The following DAB1 variants were observed in gnomAD, a reference collection of about 807,000 sequenced individuals.
DAB1 encodes the protein DAB adaptor protein 1, also known as disabled homolog 1.
A neutral mutation model predicts 64.6 loss-of-function variants in DAB1; 15 were observed. The observed-to-expected ratio is 0.23, with a 90% CI of 0.16 to 0.36. The LOEUF is 0.36. DAB1 is among the 10% of genes least tolerant of loss of function. The probability of loss-of-function intolerance (pLI) is 1.00; values close to 1 mark genes in which losing one functional copy is unlikely to be tolerated. For synonymous variants in DAB1, 235 were observed against 251.9 expected (o/e 0.93, Z 0.64); for missense variants, 596 against 706.7 (o/e 0.84, Z 1.78).
chr1:57,598,197 T>C (rs765467129), intron 7 of DAB1, among the ~76,000 whole-genome samples: 97 of 152,344 alleles, frequency 6.4e-4, no homozygotes, highest in Non-Finnish European at 1.1e-3. Context: ...TTAGCCAGGA[T>C]GGTCTCGATC....
chr1:58,505,500 C>T (rs1462155815), intron 3 of DAB1, among the ~76,000 whole-genome samples: 1 of 152,100 alleles, frequency 6.6e-6, no homozygotes, highest in Admixed American at 6.6e-5. Flanking sequence ...TGGCAGAAAG[C>T]CGCCTCAGCT....
intron 6 of DAB1, among the ~76,000 whole-genome samples, chr1:57,709,267 A>G (rs1213766822): frequency 6.6e-6 from 1 of 152,120 alleles, no homozygotes; most frequent in African/African-American, 2.4e-5. Flanking sequence ...CTGAATTACT[A>G]TTTAATCCAG....
intron 3 of DAB1, among the ~76,000 whole-genome samples, chr1:58,494,330 G>T (rs1645754415): frequency 6.6e-6 from 1 of 152,012 alleles, no homozygotes; most frequent in Non-Finnish European, 1.5e-5. Context: ...AGAAAACCTA[G>T]GCAATACCAT....
At chr1:57,051,085 A>G (rs1404197042) in intron 9 of DAB1, among the ~76,000 whole-genome samples, 1 of 152,226 alleles carries the variant, frequency 6.6e-6, no homozygotes, top group African/African-American at 2.4e-5. Flanking sequence ...TGTTGCTGTT[A>G]ACTCCAAGAC....
At chr1:57,960,759 T>C (rs1198940448) in intron 5 of DAB1, among the ~76,000 whole-genome samples, 1 of 152,240 alleles carries the variant, frequency 6.6e-6, no homozygotes, top group Admixed American at 6.5e-5. Flanking sequence ...TGTGGAGCAA[T>C]TAATTCCTTC....
chr1:58,366,152 A>G (rs1466387121), intron 3 of DAB1, among the ~76,000 whole-genome samples: 2 of 152,162 alleles, frequency 1.3e-5, no homozygotes, highest in Non-Finnish European at 2.9e-5. Flanking sequence ...GGCACCTTCC[A>G]TCCTGAAAGA....
intron 4 of DAB1, among the ~76,000 whole-genome samples, chr1:57,117,934 G>A (rs1656286918): frequency 6.6e-6 from 1 of 152,190 alleles, no homozygotes; most frequent in South Asian, 2.1e-4. Flanking sequence ...ACAACACTCT[G>A]TGACCTAGTG....
chr1:57,875,199 T>G (rs1644022944), intron 1 of DAB1: 1 of 152,244 alleles, frequency 6.6e-6, no homozygotes, highest in Admixed American at 6.5e-5. Context: ...GTATGTCTAT[T>G]TGCACAGATA....
At chr1:58,338,975 A>C (rs532356295) in intron 4 of DAB1, among the ~76,000 whole-genome samples, 11 of 152,324 alleles carry the variant, frequency 7.2e-5, no homozygotes, top group African/African-American at 2.6e-4. Flanking sequence ...TAGATACGGA[A>C]AGTGAATTGA....
chr1:57,720,957 G>A (rs1288611498), intron 6 of DAB1, among the ~76,000 whole-genome samples: 2 of 152,218 alleles, frequency 1.3e-5, no homozygotes, highest in East Asian at 3.9e-4. Flanking sequence ...ATTAGCATAT[G>A]CCATCTCCCT....
chr1:58,493,934 T>A (rs338258), intron 3 of DAB1, among the ~76,000 whole-genome samples: 46,004 of 129,120 alleles, frequency 0.36, 12,727 homozygotes, highest in African/African-American at 0.67. Context: ...GTTCATATGG[T>A]ACCAAAAAAG....
At chr1:58,168,473 G>T (rs1416020682) in intron 4 of DAB1, among the ~76,000 whole-genome samples, 1 of 152,104 alleles carries the variant, frequency 6.6e-6, no homozygotes, top group Non-Finnish European at 1.5e-5. Flanking sequence ...TCTGAGGCTA[G>T]TCCCACTTCT....
chr1:57,299,088 A>T (rs1673428904), intron 1 of DAB1, among the ~76,000 whole-genome samples: 1 of 152,218 alleles, frequency 6.6e-6, no homozygotes, highest in African/African-American at 2.4e-5. Context: ...TAGTAGTACC[A>T]CTTTTAAATA....
intron 2 of DAB1, among the ~76,000 whole-genome samples, chr1:57,243,941 C>T (rs1558011655): frequency 6.6e-6 from 1 of 152,118 alleles, no homozygotes; most frequent in Non-Finnish European, 1.5e-5. Flanking sequence ...AGGGACCTTC[C>T]ACTAGATCAT....
chr1:58,277,121 G>A (rs911977662), intron 4 of DAB1, among the ~76,000 whole-genome samples: 29 of 142,170 alleles, frequency 2.0e-4, no homozygotes, highest in Non-Finnish European at 9.0e-5. Context: ...CTCCCTGCAA[G>A]CTCCGCCTCC....
intron 2 of DAB1, among the ~76,000 whole-genome samples, chr1:58,513,817 C>A (rs1250918180): frequency 1.3e-5 from 2 of 152,062 alleles, no homozygotes; most frequent in Non-Finnish European, 2.9e-5. Flanking sequence ...CTGTTATGAC[C>A]CTCACTTTAC....
intron 2 of DAB1, among the ~76,000 whole-genome samples, chr1:57,288,094 C>A (rs1351655883): frequency 1.3e-5 from 2 of 152,190 alleles, no homozygotes; most frequent in Non-Finnish European, 2.9e-5. Flanking sequence ...CTACGCCCAG[C>A]CCTTCTCTCT....
intron 1 of DAB1, among the ~76,000 whole-genome samples, chr1:57,318,132 A>C (rs1338378358): frequency 7.4e-6 from 1 of 135,970 alleles, no homozygotes; most frequent in Non-Finnish European, 1.5e-5. Context: ...CAAGATGCTG[A>C]CTGAAATTTC....
rs746045550 is a variant in DAB1 at position 57,136,594 on chromosome 1, G to T, written c.255C>A (p.Ile85=). 7 of 1,546,290 alleles carry T rather than the reference G, an allele frequency of 4.5e-6. No homozygotes were observed. Among genetic ancestry groups the T allele is most frequent in the Non-Finnish European group, 6.2e-6 (7 of 1,132,364 alleles). Residue 85 remains isoleucine, a synonymous_variant, in exon 4 of 15, where the codon ATC becomes ATA. Coordinates refer to ENST00000371236, the MANE Select transcript of DAB1 (RefSeq NM_001365792.1). The stretch of plus-strand genomic sequence containing the variant: ...TTCCTCCAAAGGAGATGGTTAAAAA[G>T]ATTTTCTGTTTGTGTTCTCCTTTGG... ...ARSKGEHKQK[I]FLTISFGGIK... is the part of the protein sequence containing the mutation.
Sources: allele counts gnomAD v4.1 joint callset (sites outside exome capture counted in the v4.1 genomes callset), GRCh38; gene constraint gnomAD v4.1.1; transcripts MANE v1.5; gene names NCBI Gene and HGNC (gene_info 2026-07-23, HGNC 2026-07-21).